The following LGR6 variants were observed in gnomAD, a reference collection of about 807,000 sequenced individuals.
LGR6 encodes the protein leucine rich repeat containing G protein-coupled receptor 6, also known as leucine-rich repeat-containing G protein-coupled receptor 6.
A neutral mutation model predicts 69.4 loss-of-function variants in LGR6; 45 were observed. That is an observed-to-expected ratio of 0.65 (90% CI 0.51 to 0.83). The LOEUF (loss-of-function observed/expected upper bound fraction) is 0.83. LGR6 is among the 40% of genes least tolerant of loss of function. The probability of loss-of-function intolerance (pLI) is 0.00; values close to 1 mark genes in which losing one functional copy is unlikely to be tolerated. For missense variants in LGR6, 1,108 were observed against 1,246.7 expected (o/e 0.89, Z 1.68); for synonymous variants, 538 against 555.0 (o/e 0.97, Z 0.43).
At chr1:202,261,654 A>C (rs1015185785) in intron 4 of LGR6, among the ~76,000 whole-genome samples, 1 of 152,226 alleles carries the variant, frequency 6.6e-6, no homozygotes, top group Non-Finnish European at 1.5e-5. Flanking sequence ...CTGAGGAATC[A>C]CCACACTGAC....
At position 202,289,029 on chromosome 1, in the gene LGR6, G is replaced by A. The variant is rs369417494; in HGVS notation, c.716+8177G>A. Among the ~76,000 whole-genome samples, 23 of 152,342 alleles carry A rather than the reference G, an allele frequency of 1.5e-4. No individual in the cohort carries two copies. In the East Asian group the frequency reaches 3.7e-3, roughly 24 times the overall value. ...CTGTTCTGGGTGCCATATCTTAAGC[G>A]TGGCAAAGGCTCTCCTGGGGAGGGT... On this transcript the variant is annotated intron_variant, in intron 6 of 17. Transcript: ENST00000367278.
At chr1:202,235,266 C>T (rs1446216403) in intron 3 of LGR6, among the ~76,000 whole-genome samples, 1 of 152,160 alleles carries the variant, frequency 6.6e-6, no homozygotes, top group Non-Finnish European at 1.5e-5. Context: ...ATGGAGTCAT[C>T]GTGGGGTTTT....
chr1:202,265,535 G>A (rs1222031622), intron 4 of LGR6, among the ~76,000 whole-genome samples: 1 of 152,226 alleles, frequency 6.6e-6, no homozygotes, highest in Non-Finnish European at 1.5e-5. Flanking sequence ...GGGTGGGCAG[G>A]AATCGGTGAA....
chr1:202,273,715 C>A (rs1331415366), intron 4 of LGR6, among the ~76,000 whole-genome samples: 1 of 152,092 alleles, frequency 6.6e-6, no homozygotes, highest in Non-Finnish European at 1.5e-5. Context: ...CTCAGCCTCC[C>A]AAAATGCTGG....
chr1:202,306,836 G>A (rs751098178), intron 12 of LGR6, 32 bp from the exon 13 acceptor site: 23 of 1,607,676 alleles, frequency 1.4e-5, no homozygotes, highest in Non-Finnish European at 1.1e-5. Flanking sequence ...GTCTGAGCCT[G>A]CCGGCTCATC....
intron 14 of LGR6, among the ~76,000 whole-genome samples, chr1:202,308,515 C>T (rs969233862): frequency 1.3e-5 from 2 of 152,182 alleles, no homozygotes; most frequent in Non-Finnish European, 2.9e-5. Flanking sequence ...TGCATGTCCT[C>T]GCCTCTGGCT....
intron 4 of LGR6, among the ~76,000 whole-genome samples, chr1:202,256,595 T>C (rs1663794432): frequency 6.6e-6 from 1 of 152,234 alleles, no homozygotes; most frequent in African/African-American, 2.4e-5. Context: ...ATATACCACA[T>C]TTTATTTTAC....
At chr1:202,280,949 C>T (rs917267538) in intron 6 of LGR6, 97 bp downstream of exon 6, 2 of 1,135,980 alleles carry the variant, frequency 1.8e-6, no homozygotes, top group South Asian at 1.4e-5. Context: ...AGCCAGCAGT[C>T]CTGGGATGCT....
At chr1:202,216,660 T>TC (rs34700182) in intron 1 of LGR6, among the ~76,000 whole-genome samples, 6,641 of 152,208 alleles carry the variant, frequency 0.044, 193 homozygotes, top group Non-Finnish European at 0.07. Flanking sequence ...CCAGAAGCAG[T>TC]CCCCCATATT....
chr1:202,303,355 G>T lies in LGR6; in HGVS notation c.998+8G>T. On this transcript the variant is annotated splice_region_variant and intron_variant, in intron 10 of 17. Transcript: ENST00000367278. ...CACCAGCCTGGAGATCCTGTGAGTG[G>T]CTTCTCTCTCCCTACCTTATCTATC... The T allele has an allele frequency of 6.2e-7, 1 of 1,610,054 alleles. No homozygotes were observed. Among genetic ancestry groups the T allele is most frequent in the Non-Finnish European group, 8.5e-7 (1 of 1,176,354 alleles).
rs1572017784 is a variant in LGR6, at chr1:202,310,233, C to T, written c.1443C>T (p.Pro481=). ...TGCCTTATGCCTACCAGTGCTGTCCCTATGGGATGTGTGCCAGCTTCTTCA... is the reference window on the plus strand; with the variant it reads ...TGCCTTATGCCTACCAGTGCTGTCCTTATGGGATGTGTGCCAGCTTCTTCA... ...LEVPYAYQCC[P]YGMCASFFKA... is the part of the protein sequence containing the mutation. The change falls in exon 16 of 18, where the codon CCC becomes CCT. Residue 481 remains proline (P), a synonymous_variant. Transcript: ENST00000367278. 1 of 1,614,106 alleles carries T rather than the reference C, an allele frequency of 6.2e-7. No homozygotes were observed. The highest frequency in any genetic ancestry group is 8.5e-7 in the Non-Finnish European group (1 of 1,180,018).
chr1:202,318,842 G>C lies in LGR6; in HGVS notation c.2539G>C (p.Asp847His). The change falls in exon 18 of 18, where the codon GAC (aspartate) becomes CAC (histidine). Residue 847 changes from aspartate (D) to histidine (H), a missense_variant. Asp to His is a moderately conservative substitution (Grantham distance 81). Coordinates refer to ENST00000367278, the MANE Select transcript of LGR6 (RefSeq NM_001017403.2). ...TCGGCGGCTTCGGCCCCGCGCAGGG[G>C]ACTCAGGGCCCCTAGCCTATGCTGC... ...DLRRLRPRAGDSGPLAYAAAG... is the reference protein window; with the variant it reads ...DLRRLRPRAGHSGPLAYAAAG... 6.2e-7 allele frequency: 1 copy of C among 1,613,426 alleles called. No homozygotes were observed. The highest frequency in any genetic ancestry group is 8.5e-7 in the Non-Finnish European group (1 of 1,179,750).
intron 3 of LGR6, among the ~76,000 whole-genome samples, chr1:202,231,637 A>AT (rs1312371018): frequency 6.6e-6 from 1 of 152,160 alleles, no homozygotes; most frequent in Non-Finnish European, 1.5e-5. Context: ...AATTTCCAAC[A>AT]TTTTTAGCTA....
chr1:202,275,858 T>A (rs1665503582), intron 4 of LGR6, among the ~76,000 whole-genome samples: 4 of 152,280 alleles, frequency 2.6e-5, no homozygotes, highest in Non-Finnish European at 4.4e-5. Flanking sequence ...AAGGGTAATA[T>A]GGCATAGATT....
At chr1:202,246,604 AG>A (rs1325288531) in intron 4 of LGR6, among the ~76,000 whole-genome samples, 9 of 151,848 alleles carry the variant, frequency 5.9e-5, no homozygotes, top group African/African-American at 2.2e-4. Flanking sequence ...AGATACACCA[AG>A]ACCCCATCTT....
At chr1:202,300,592 C>T (rs1472191747) in intron 7 of LGR6, among the ~76,000 whole-genome samples, 1 of 151,344 alleles carries the variant, frequency 6.6e-6, no homozygotes, top group Non-Finnish European at 1.5e-5. Flanking sequence ...GAAGTCGAGG[C>T]TGCACTGCGG....
At chr1:202,258,988 T>G (rs949249801) in intron 4 of LGR6, among the ~76,000 whole-genome samples, 1 of 152,058 alleles carries the variant, frequency 6.6e-6, no homozygotes, top group Non-Finnish European at 1.5e-5. Flanking sequence ...ATATTTTACA[T>G]TTTTTTAAAT....
intron 13 of LGR6, 65 bp from the exon 14 acceptor site, chr1:202,307,265 A>G: frequency 1.3e-6 from 2 of 1,492,852 alleles, no homozygotes; most frequent in Non-Finnish European, 1.9e-6. Flanking sequence ...GGGGGAGCCC[A>G]TGATGGGAAC....
At chr1:202,260,560 C>T (rs533544605) in intron 4 of LGR6, among the ~76,000 whole-genome samples, 1 of 152,330 alleles carries the variant, frequency 6.6e-6, no homozygotes, top group East Asian at 1.9e-4. Flanking sequence ...TCTCGAACTC[C>T]TGACATCCGC....
Sources: allele counts gnomAD v4.1 joint callset (sites outside exome capture counted in the v4.1 genomes callset), GRCh38; gene constraint gnomAD v4.1.1; transcripts MANE v1.5; gene names NCBI Gene and HGNC (gene_info 2026-07-23, HGNC 2026-07-21).